TOX: variants seen among roughly 807,000 people sequenced by gnomAD.
The protein encoded by TOX is thymocyte selection-associated high mobility group box protein TOX.
TOX carries 11 observed loss-of-function variants against 53.7 expected under a neutral mutation model. The ratio of observed to expected loss-of-function variants is 0.20; its 90% confidence interval spans 0.13 to 0.34. The LOEUF is 0.34. Among genes scored for constraint, TOX ranks in the 10% least tolerant of loss-of-function variants. TOX has a pLI of 1.00. For missense variants in TOX, 570 were observed against 664.6 expected, an observed-to-expected ratio of 0.86 and a Z score of 1.56; for synonymous variants, 225 against 245.3, an observed-to-expected ratio of 0.92 and a Z score of 0.77.
intron 1 of TOX, among the ~76,000 whole-genome samples, chr8:59,014,007 T>C (rs1317142579): frequency 6.6e-6 from 1 of 152,196 alleles, no homozygotes; most frequent in African/African-American, 2.4e-5. Flanking sequence ...AAGTGACTAG[T>C]TCTGTGGACT....
intron 1 of TOX, among the ~76,000 whole-genome samples, chr8:59,073,145 AAACT>A (rs1308408530): frequency 6.6e-6 from 1 of 152,206 alleles, no homozygotes; most frequent in African/African-American, 2.4e-5. Context: ...AAACAGTGAC[AAACT>A]GAGTCGAATT....
At chr8:58,944,876 A>G (rs111242121) in intron 2 of TOX, among the ~76,000 whole-genome samples, 1 of 152,222 alleles carries the variant, frequency 6.6e-6, no homozygotes, top group African/African-American at 2.4e-5. Flanking sequence ...AAGGAATTTC[A>G]GTATATTTGC....
At chr8:58,945,545 G>C (rs1354737973) in intron 2 of TOX, among the ~76,000 whole-genome samples, 1 of 152,128 alleles carries the variant, frequency 6.6e-6, no homozygotes, top group Non-Finnish European at 1.5e-5. Context: ...TCCCCTGCCT[G>C]TTTAATGACA....
intron 3 of TOX, among the ~76,000 whole-genome samples, chr8:58,896,748 C>G (rs10096247): frequency 1.3e-5 from 2 of 151,946 alleles, no homozygotes; most frequent in Non-Finnish European, 2.9e-5. Flanking sequence ...GGAGGAAATG[C>G]CATTTCAGTA....
chr8:59,003,947 T>C (rs1363450882), intron 1 of TOX, among the ~76,000 whole-genome samples: 1 of 152,034 alleles, frequency 6.6e-6, no homozygotes, highest in Non-Finnish European at 1.5e-5. Context: ...AAAGTAAGAG[T>C]TTAACTGCAG....
At chr8:59,012,060 C>T (rs1287391189) in intron 1 of TOX, among the ~76,000 whole-genome samples, 1 of 152,214 alleles carries the variant, frequency 6.6e-6, no homozygotes, top group Admixed American at 6.5e-5. Context: ...GGCATTGCAT[C>T]CTCCTTCTCC....
chr8:58,862,475 A>G (rs1585866337), intron 3 of TOX, among the ~76,000 whole-genome samples: 1 of 152,164 alleles, frequency 6.6e-6, no homozygotes, highest in Non-Finnish European at 1.5e-5. Context: ...AGTGACTGCT[A>G]TTCATGCTAA....
intron 1 of TOX, among the ~76,000 whole-genome samples, chr8:59,085,843 G>C (rs1006928397): frequency 1.3e-5 from 2 of 152,082 alleles, no homozygotes; most frequent in African/African-American, 2.4e-5. Flanking sequence ...AGAGACTTAC[G>C]AGAAAGAGAA....
chr8:58,853,135 A>T (rs1241746181), intron 3 of TOX, among the ~76,000 whole-genome samples: 1 of 152,104 alleles, frequency 6.6e-6, no homozygotes, highest in Non-Finnish European at 1.5e-5. Flanking sequence ...TGCCTCCACC[A>T]TGAGGCCTCT....
At position 59,043,781 on chromosome 8, in the gene TOX, C is replaced by T. The variant is rs548594399; in HGVS notation, c.102+75105G>A. Among the ~76,000 whole-genome samples, 4 of 152,284 alleles carry T rather than the reference C, an allele frequency of 2.6e-5. No homozygotes were observed. In the South Asian group the frequency reaches 6.2e-4, roughly 24 times the overall value. The stretch of plus-strand genomic sequence containing the variant: ...TAGTGCTATCATGCTTCCAGTACAG[C>T]GTGCCTTTTGAAAGGACTACGTAGG... On this transcript the variant is annotated intron_variant, in intron 1 of 8. Transcript: ENST00000361421.
chr8:59,118,955 C>T lies in TOX; in HGVS notation c.33G>A (p.Gln11=), dbSNP rs1805159902. 1.2e-6 allele frequency: 2 copies of T among 1,602,912 alleles called. No homozygotes were observed. Among genetic ancestry groups the T allele is most frequent in the Non-Finnish European group, 8.5e-7 (1 of 1,174,288 alleles). Residue 11 remains glutamine (Q), a synonymous_variant, in exon 1 of 9, where the codon CAG becomes CAA. Transcript: ENST00000361421. The surrounding 1 kb of genome is among the most constrained non-coding windows in gnomAD (Gnocchi z 4.1). Reference sequence around the variant, plus strand: ...AGGGAGCGTCGGGCGCAGCGGCGGGCTGGGCTGGAGGTGGATAAAATCTTA... The same window carrying T: ...AGGGAGCGTCGGGCGCAGCGGCGGGTTGGGCTGGAGGTGGATAAAATCTTA... The part of the protein sequence containing the change: MDVRFYPPPA[Q]PAAAPDAPCL...
At chr8:59,011,937 T>C (rs999303036) in intron 1 of TOX, among the ~76,000 whole-genome samples, 9 of 152,036 alleles carry the variant, frequency 5.9e-5, no homozygotes, top group African/African-American at 2.2e-4. Flanking sequence ...TCATTAAAGG[T>C]CAAGACGAGG....
At position 58,874,460 on chromosome 8, in the gene TOX, C is replaced by T. The variant is rs556225825; in HGVS notation, c.412-22655G>A. Among the ~76,000 whole-genome samples the T allele has an allele frequency of 2.0e-4, 31 of 152,152 alleles. 1 individual carries two copies. In the South Asian group the frequency reaches 6.0e-3, roughly 30 times the overall value. On this transcript the variant is annotated intron_variant, in intron 3 of 8. Transcript: ENST00000361421. ...CTAAGGTAACGTTGGCTTCTGGATT[C>T]GCCTACTTGAAGCATTTCAGAGCCA...
intron 1 of TOX, among the ~76,000 whole-genome samples, chr8:59,067,324 A>G (rs373236989): frequency 6.6e-6 from 1 of 152,098 alleles, no homozygotes; most frequent in African/African-American, 2.4e-5. Context: ...GAGGTCGAGG[A>G]GGGAGGATCA....
At chr8:58,843,568 C>A (rs576916900) in intron 4 of TOX, among the ~76,000 whole-genome samples, 1 of 152,246 alleles carries the variant, frequency 6.6e-6, no homozygotes, top group South Asian at 2.1e-4. Flanking sequence ...TTCATAATAT[C>A]TTTGCTCTTT....
intron 3 of TOX, among the ~76,000 whole-genome samples, chr8:58,867,764 C>G (rs2129169684): frequency 6.6e-6 from 1 of 152,254 alleles, no homozygotes; most frequent in African/African-American, 2.4e-5. Flanking sequence ...TTTGCACAAA[C>G]TAATTGGCTC....
At chr8:58,847,747 G>C (rs542799510) in intron 4 of TOX, among the ~76,000 whole-genome samples, 4 of 152,176 alleles carry the variant, frequency 2.6e-5, no homozygotes, top group African/African-American at 9.6e-5. Context: ...GATCTCAAAA[G>C]CAGTCAGAGA....
At chr8:59,074,843 GA>G (rs1378355582) in intron 1 of TOX, among the ~76,000 whole-genome samples, 1 of 152,180 alleles carries the variant, frequency 6.6e-6, no homozygotes, top group Non-Finnish European at 1.5e-5. Flanking sequence ...CAGGCCTTTG[GA>G]AAGAGGTGGC....
chr8:58,935,721 G>A (rs573522637), intron 3 of TOX, among the ~76,000 whole-genome samples: 216 of 152,250 alleles, frequency 1.4e-3, no homozygotes, highest in Non-Finnish European at 1.6e-3. Context: ...AAACCAGTCC[G>A]TAGCTCAGTT....
Sources: allele counts gnomAD v4.1 joint callset (sites outside exome capture counted in the v4.1 genomes callset), GRCh38; gene constraint gnomAD v4.1.1; non-coding constraint Gnocchi (gnomAD v3.1); transcripts MANE v1.5; gene names NCBI Gene and HGNC (gene_info 2026-07-23, HGNC 2026-07-21).